Variants in SORCS1 observed in about 807,000 individuals in gnomAD.
SORCS1 encodes the protein sortilin related VPS10 domain containing receptor 1.
A neutral mutation model predicts 146.1 loss-of-function variants in SORCS1; 60 were observed. The ratio of observed to expected loss-of-function variants is 0.41; its 90% CI spans 0.33 to 0.51. The LOEUF (loss-of-function observed/expected upper bound fraction) is 0.51, where lower values mean the gene tolerates loss of function less well. Ranked by LOEUF, SORCS1 falls within the 20% of genes least tolerant of loss-of-function variation. SORCS1 has a pLI of 0.21. For missense variants in SORCS1, 1,352 were observed against 1,487.6 expected, an observed-to-expected ratio of 0.91 and a Z score of 1.50; for synonymous variants, 637 against 584.0, an observed-to-expected ratio of 1.09 and a Z score of -1.31.
chr10:106,676,066 G>C (rs143235506), intron 13 of SORCS1, among the ~76,000 whole-genome samples: 25 of 152,268 alleles, frequency 1.6e-4, no homozygotes, highest in Middle Eastern at 3.4e-3. Context: ...GATGGCCACC[G>C]AGGACCTTTT....
Position 106,667,769 on chromosome 10 carries a change from C to G in SORCS1, c.2223G>C (p.Gln741His). 5.0e-6 allele frequency: 8 copies of G among 1,614,080 alleles called. No individual in the cohort carries two copies. Among genetic ancestry groups the G allele is most frequent in the Non-Finnish European group, 6.8e-6 (8 of 1,180,000 alleles). The change falls in exon 17 of 26, where the codon CAG becomes CAC. Residue 741 changes from glutamine to histidine, a missense_variant. By Grantham distance (24) the Gln-to-His change is conservative (BLOSUM62 0). Coordinates refer to ENST00000263054, the MANE Select transcript of SORCS1 (RefSeq NM_052918.5). Reference sequence around the variant, plus strand: ...GATTGAACCAAAATGCCGGCAGGCACTGGCCATTGCTGTGTCGCTCATAAC... The same window carrying G: ...GATTGAACCAAAATGCCGGCAGGCAGTGGCCATTGCTGTGTCGCTCATAAC... ...DYGYERHSNG[Q>H]CLPAFWFNPS...
intron 24 of SORCS1, among the ~76,000 whole-genome samples, chr10:106,587,394 A>G (rs978303596): frequency 6.6e-6 from 1 of 152,260 alleles, no homozygotes; most frequent in Non-Finnish European, 1.5e-5. Context: ...CACAACTCCT[A>G]TTTGGCATCT....
At chr10:106,884,473 T>C (rs966592516) in intron 2 of SORCS1, among the ~76,000 whole-genome samples, 2 of 152,142 alleles carry the variant, frequency 1.3e-5, no homozygotes, top group African/African-American at 4.8e-5. Flanking sequence ...TTTAGGGAGA[T>C]TTCAATTCCC....
intron 3 of SORCS1, among the ~76,000 whole-genome samples, chr10:106,797,726 T>C (rs768809802): frequency 6.6e-6 from 1 of 152,156 alleles, no homozygotes; most frequent in African/African-American, 2.4e-5. Context: ...CAATTTGCTT[T>C]TACCACCTTC....
At position 107,099,975 on chromosome 10, in the gene SORCS1, CAG is replaced by C. The variant is rs1964804298; in HGVS notation, c.558+63992_558+63993del. Among the ~76,000 whole-genome samples the C allele has an allele frequency of 3.9e-5, 6 of 152,252 alleles. No homozygotes were observed. In the South Asian group the frequency reaches 1.2e-3, roughly 32 times the overall value. The stretch of plus-strand genomic sequence containing the variant: ...ATTACCTCTAATTTTGTCGGAATCA[CAG>C]TAAATGGAAACTCTCTTGCATTTGC... On this transcript the variant is annotated intron_variant, in intron 1 of 25. Coordinates refer to ENST00000263054, the MANE Select transcript of SORCS1 (RefSeq NM_052918.5).
intron 1 of SORCS1, among the ~76,000 whole-genome samples, chr10:107,115,016 A>C (rs1965933172): frequency 6.6e-6 from 1 of 152,100 alleles, no homozygotes; most frequent in Non-Finnish European, 1.5e-5. Context: ...ACAGCATCAA[A>C]AATAAGATAC....
intron 1 of SORCS1, among the ~76,000 whole-genome samples, chr10:107,150,652 A>G (rs968534513): frequency 3.9e-5 from 6 of 152,222 alleles, no homozygotes; most frequent in Non-Finnish European, 7.3e-5. Flanking sequence ...CTTCAATTGT[A>G]GTTCACATAA....
At chr10:107,012,036 T>C (rs551648863) in intron 1 of SORCS1, among the ~76,000 whole-genome samples, 58 of 152,366 alleles carry the variant, frequency 3.8e-4, no homozygotes, top group Admixed American at 1.8e-3. Context: ...AAGCAGTTCC[T>C]CGAAGATAAC....
chr10:106,879,563 T>C (rs188213883), intron 2 of SORCS1, among the ~76,000 whole-genome samples: 38 of 152,336 alleles, frequency 2.5e-4, no homozygotes, highest in Admixed American at 9.8e-4. Flanking sequence ...TACTGATCAG[T>C]TGTCCTTAAA....
rs762280156 is a variant in SORCS1 at position 106,629,260 on chromosome 10, G to T, written c.2604C>A (p.Thr868=). 6.2e-7 allele frequency: 1 copy of T among 1,614,006 alleles called. No homozygotes were observed. Among genetic ancestry groups the T allele is most frequent in the Non-Finnish European group, 8.5e-7 (1 of 1,179,966 alleles). Residue 868 remains threonine, a synonymous_variant, in exon 19 of 26, where the codon ACC becomes ACA. Transcript: ENST00000263054. ...AACCCAGACTGTTGTCCACCTGCAC[G>T]GTCACACGGAAAATGCCCACGTTCT... is the stretch of plus-strand genomic sequence containing the variant. ...VYQNVGIFRV[T]VQVDNSLGSD...
At chr10:106,713,711 C>T (rs1026494068) in intron 6 of SORCS1, among the ~76,000 whole-genome samples, 1 of 151,972 alleles carries the variant, frequency 6.6e-6, no homozygotes, top group Non-Finnish European at 1.5e-5. Flanking sequence ...GTAGAAACGG[C>T]AGTATGTGGT....
chr10:106,959,726 T>C (rs1037673968), intron 1 of SORCS1, among the ~76,000 whole-genome samples: 3 of 152,234 alleles, frequency 2.0e-5, no homozygotes, highest in Non-Finnish European at 4.4e-5. Context: ...TTGCTCAGTC[T>C]GGTCTCAACT....
chr10:106,974,260 A>C (rs1955904885), intron 1 of SORCS1, among the ~76,000 whole-genome samples: 1 of 152,206 alleles, frequency 6.6e-6, no homozygotes, highest in Admixed American at 6.5e-5. Flanking sequence ...AACTTTATAT[A>C]ATGTGATAAG....
intron 1 of SORCS1, among the ~76,000 whole-genome samples, chr10:107,023,365 C>G (rs1246574082): frequency 1.3e-5 from 2 of 152,194 alleles, no homozygotes; most frequent in Admixed American, 1.3e-4. Context: ...TTCTGCCACT[C>G]TGTCCCCAAA....
rs58654489 is a variant in SORCS1 at position 106,862,780 on chromosome 10, CAAAAAAAAA to C, written c.627-33116_627-33108del. ...CTAACACGGTGAAACCCTGTCTCTA[CAAAAAAAAA>C]AAAAAAAAAAAAAAAAAAAGTTTCA... On this transcript the variant is annotated intron_variant, in intron 2 of 25. Coordinates refer to ENST00000263054, the MANE Select transcript of SORCS1 (RefSeq NM_052918.5). Among the ~76,000 whole-genome samples, 17 of 60,248 alleles carry C rather than the reference CAAAAAAAAA, an allele frequency of 2.8e-4. No individual in the cohort carries two copies. In the South Asian group the frequency reaches 6.5e-3, roughly 23 times the overall value. 39.5% of individuals were successfully genotyped at this position (60,248 alleles called of 152,430 possible).
At position 106,702,619 on chromosome 10, in the gene SORCS1, C is replaced by T. The variant is rs895835496; in HGVS notation, c.1234-3226G>A. ...CCATCTCTAGATATGAGCTGAGTTC[C>T]AATCCTTCCTTTGTTTCATGTAATT... is the stretch of plus-strand genomic sequence containing the variant. On this transcript the variant is annotated intron_variant, in intron 8 of 25. Coordinates refer to ENST00000263054, the MANE Select transcript of SORCS1 (RefSeq NM_052918.5). Among the ~76,000 whole-genome samples, 4 of 152,290 alleles carry T rather than the reference C, an allele frequency of 2.6e-5. No individual in the cohort carries two copies. In the South Asian group the frequency reaches 6.2e-4, roughly 24 times the overall value.
intron 2 of SORCS1, among the ~76,000 whole-genome samples, chr10:106,899,609 T>C (rs892320099): frequency 2.6e-5 from 4 of 151,604 alleles, no homozygotes; most frequent in African/African-American, 9.7e-5. Flanking sequence ...TTTTTTTTTT[T>C]TTTGTCCAAA....
In SORCS1 at chr10:107,121,617, TA is replaced by T. The variant is rs536852436; in HGVS notation, c.558+42351del. ...AACATTATCAAACATGATTCTACAG[TA>T]AAAAAAAAAAATCACAGGGTATTAA... On this transcript the variant is annotated intron_variant, in intron 1 of 25. Coordinates refer to ENST00000263054, the MANE Select transcript of SORCS1 (RefSeq NM_052918.5). Among the ~76,000 whole-genome samples the T allele has an allele frequency of 3.1e-3, 453 of 144,534 alleles. 1 individual carries two copies. The highest frequency in any genetic ancestry group is 7.6e-3 in the African/African-American group (303 of 39,792). 94.8% of individuals were successfully genotyped at this position (144,534 alleles called of 152,430 possible). A position where few individuals can be genotyped will look rare whatever the true frequency, so the allele number is the denominator to read the frequency against.
chr10:106,803,709 G>A (rs1333106311), intron 3 of SORCS1, among the ~76,000 whole-genome samples: 1 of 152,162 alleles, frequency 6.6e-6, no homozygotes, highest in Non-Finnish European at 1.5e-5. Flanking sequence ...ATTCTTTGAA[G>A]GTTATGAACA....
Sources: gnomAD v4.1 joint callset for allele counts (sites outside exome capture counted in the v4.1 genomes callset) on GRCh38, gnomAD v4.1.1 for gene constraint, MANE v1.5 for transcripts, NCBI Gene and HGNC (gene_info 2026-07-23, HGNC 2026-07-21) for gene names.